The following BICRA variants were observed in gnomAD, a reference collection of about 807,000 sequenced individuals.
BICRA encodes the protein BRD4 interacting chromatin remodeling complex associated protein, also known as BRD4-interacting chromatin-remodeling complex-associated protein.
A neutral mutation model predicts 96.9 loss-of-function variants in BICRA; 31 were observed. That is an observed-to-expected ratio of 0.32 (90% confidence interval 0.24 to 0.43). The LOEUF is 0.43. BICRA is among the 20% of genes least tolerant of loss of function. The pLI, the probability that BICRA is intolerant of heterozygous loss-of-function variation, is 1.00. For synonymous variants in BICRA, 1,350 were observed against 1,071.8 expected, an observed-to-expected ratio of 1.26 and a Z score of -5.07; for missense variants, 2,283 against 2,190.3, an observed-to-expected ratio of 1.04 and a Z score of -0.84.
Position 47,680,562 on chromosome 19 carries a change from C to A in BICRA, c.1392C>A (p.His464Gln). 6.3e-7 allele frequency: 1 copy of A among 1,595,766 alleles called. No homozygotes were observed. Among genetic ancestry groups the A allele is most frequent in the Non-Finnish European group, 8.5e-7 (1 of 1,172,286 alleles). The part of the protein sequence containing the change: ...QGSSIVIPAQ[H>Q]MLPGQNQFLL... The stretch of plus-strand genomic sequence containing the variant: ...GCAGCATCGTCATCCCCGCCCAGCA[C>A]ATGCTGCCGGGCCAGAACCAGTTCC... Residue 464 changes from histidine to glutamine, a missense_variant, in exon 6 of 15, where the codon CAC becomes CAA. His to Gln is a conservative substitution (Grantham distance 24, BLOSUM62 0). Transcript: ENST00000594866.
intron 1 of BICRA, among the ~76,000 whole-genome samples, chr19:47,631,017 C>T (rs944787341): frequency 1.2e-4 from 18 of 152,104 alleles, no homozygotes; most frequent in African/African-American, 3.9e-4. Flanking sequence ...TCAAATGTCA[C>T]GTGAAGCTGC....
rs767654328 is a variant in BICRA at position 47,699,040 on chromosome 19, T to G, written c.3473T>G (p.Leu1158Arg). Residue 1158 changes from leucine (L) to arginine (R), a missense_variant, in exon 13 of 15, where the codon CTG (leucine) becomes CGG (arginine). Physicochemically the swap from Leu to Arg is moderately radical, Grantham distance 102 (BLOSUM62 -2). Transcript: ENST00000594866. The surrounding 1 kb of genome is among the most constrained non-coding windows in gnomAD (Gnocchi z 5.0). ...TQAMLNKYRL[L>R]LLEESRRVSP... ...GCCATGCTCAATAAATATCGGCTCCTGCTCCTGGAGGAGTCCCGGGTAGGG... is the reference window on the plus strand; with the variant it reads ...GCCATGCTCAATAAATATCGGCTCCGGCTCCTGGAGGAGTCCCGGGTAGGG... The G allele has an allele frequency of 6.3e-7, 1 of 1,575,464 alleles. No individual in the cohort carries two copies. The highest frequency in any genetic ancestry group is 1.4e-5 in the African/African-American group (1 of 73,810).
chr19:47,617,255 A>G (rs1003835573), intron 1 of BICRA, among the ~76,000 whole-genome samples: 7 of 152,216 alleles, frequency 4.6e-5, no homozygotes, highest in African/African-American at 1.4e-4. Context: ...GATTATAGGC[A>G]TGAGCAACTG....
intron 1 of BICRA, among the ~76,000 whole-genome samples, chr19:47,617,849 C>T (rs1972008193): frequency 6.6e-6 from 1 of 151,506 alleles, no homozygotes; most frequent in African/African-American, 2.4e-5. Flanking sequence ...AAAGCAAATT[C>T]CAGATATCAT....
At position 47,680,687 on chromosome 19, in the gene BICRA, G is replaced by A; in HGVS notation, c.1517G>A (p.Gly506Asp). The change falls in exon 6 of 15, where the codon GGT becomes GAT. Residue 506 changes from glycine (G) to aspartate (D), a missense_variant. Coordinates refer to ENST00000594866, the MANE Select transcript of BICRA (RefSeq NM_001394372.1). The stretch of plus-strand genomic sequence containing the variant: ...CTGGCGGCCGCTGCCCCCCACACAG[G>A]TGGACAGCTCATCGCGAACCCCATC... ...QILAAAAPHT[G>D]GQLIANPILT... The A allele has an allele frequency of 6.2e-7, 1 of 1,603,520 alleles. No homozygotes were observed. The highest frequency in any genetic ancestry group is 8.5e-7 in the Non-Finnish European group (1 of 1,175,184).
At position 47,702,859 on chromosome 19, in the gene BICRA, C is replaced by G. The variant is rs1460420779; in HGVS notation, c.*444C>G. The G allele has an allele frequency of 5.5e-6, 1 of 183,274 alleles. No homozygotes were observed. Among genetic ancestry groups the G allele is most frequent in the Admixed American group, 6.4e-5 (1 of 15,580 alleles). The allele number at this position is 183,274 out of a possible 1,614,324, so 11.4% of individuals were successfully genotyped here. On this transcript the variant is annotated 3_prime_UTR_variant, in exon 15 of 15. Coordinates refer to ENST00000594866, the MANE Select transcript of BICRA (RefSeq NM_001394372.1). ...CTTCCAGACAGTCTCAGCCTCTCCC[C>G]GCCGCCCCCAACAGGCTGTCAAACA...
At chr19:47,688,219 G>A (rs1485127748) in intron 7 of BICRA, among the ~76,000 whole-genome samples, 1 of 152,050 alleles carries the variant, frequency 6.6e-6, no homozygotes, top group Non-Finnish European at 1.5e-5. Context: ...GAGCCCAGGA[G>A]TTTGAGGTCA....
chr19:47,611,141 T>A (rs928012487), intron 1 of BICRA, among the ~76,000 whole-genome samples: 12 of 152,118 alleles, frequency 7.9e-5, no homozygotes, highest in Admixed American at 2.6e-4. Flanking sequence ...ATTTGTAACC[T>A]CCTGGAGTTT....
At chr19:47,618,609 C>T (rs936927561) in intron 1 of BICRA, among the ~76,000 whole-genome samples, 1 of 152,164 alleles carries the variant, frequency 6.6e-6, no homozygotes, top group Admixed American at 6.6e-5. Flanking sequence ...TTGCCATGCC[C>T]ACCCTGTCCC....
intron 1 of BICRA, among the ~76,000 whole-genome samples, chr19:47,618,970 GTT>G (rs1050332364): frequency 2.0e-5 from 3 of 152,188 alleles, no homozygotes; most frequent in African/African-American, 7.2e-5. Flanking sequence ...GGCTGTGACA[GTT>G]AGCTGGACTA....
intron 1 of BICRA, among the ~76,000 whole-genome samples, chr19:47,659,339 C>T (rs1281306291): frequency 1.3e-5 from 2 of 152,150 alleles, no homozygotes; most frequent in Non-Finnish European, 2.9e-5. Flanking sequence ...TCTGTCTTTC[C>T]CAACAGGGGT....
chr19:47,654,492 T>G (rs1307575748), intron 1 of BICRA, among the ~76,000 whole-genome samples: 1 of 152,088 alleles, frequency 6.6e-6, no homozygotes, highest in Admixed American at 6.6e-5. Flanking sequence ...TTATTATTAT[T>G]ATTTTTTGAG....
intron 1 of BICRA, among the ~76,000 whole-genome samples, chr19:47,657,939 T>A (rs764481248): frequency 5.3e-5 from 8 of 152,090 alleles, no homozygotes; most frequent in Non-Finnish European, 8.8e-5. Flanking sequence ...TCGTTTTTTT[T>A]TTCCCTGAGT....
intron 1 of BICRA, among the ~76,000 whole-genome samples, chr19:47,629,287 G>A (rs1004552647): frequency 2.0e-5 from 3 of 152,132 alleles, no homozygotes; most frequent in African/African-American, 7.2e-5. Context: ...ACAGGCGTGA[G>A]CCACCACACC....
chr19:47,639,269 A>C (rs767230342), intron 1 of BICRA, among the ~76,000 whole-genome samples: 2 of 148,728 alleles, frequency 1.3e-5, no homozygotes, highest in Admixed American at 6.8e-5. Flanking sequence ...CTGCCTCCCA[A>C]AGTGCTGCGA....
At position 47,669,554 on chromosome 19, in the gene BICRA, T is replaced by C. The variant is rs1444670749; in HGVS notation, c.-107-889T>C. 3.3e-5 allele frequency among the ~76,000 whole-genome samples: 5 copies of C among 152,258 alleles called. No homozygotes were observed. The East Asian group carries it at 9.6e-4, about 29-fold the overall frequency. The stretch of plus-strand genomic sequence containing the variant: ...TGTATACATAGTATATAACACTATA[T>C]GTTATATACACTATAGTGTATGTGC... On this transcript the variant is annotated intron_variant, in intron 1 of 14. Transcript: ENST00000594866.
chr19:47,695,215 G>A (rs2123607742), intron 9 of BICRA, 135 bp downstream of exon 9: 1 of 770,154 alleles, frequency 1.3e-6, no homozygotes, highest in East Asian at 2.7e-5. Context: ...AGGGACACAG[G>A]AAGGCCAGAG....
chr19:47,618,294 T>C (rs911556029), intron 1 of BICRA, among the ~76,000 whole-genome samples: 14 of 152,328 alleles, frequency 9.2e-5, no homozygotes, highest in African/African-American at 2.9e-4. Flanking sequence ...TAAAGTCCTG[T>C]TTCTGCTCCT....
chr19:47,676,500 T>G, intron 5 of BICRA, among the ~76,000 whole-genome samples: 1 of 151,536 alleles, frequency 6.6e-6, no homozygotes, highest in Non-Finnish European at 1.5e-5. Flanking sequence ...GGCCACCTCC[T>G]TCCTCCTTCT....
Sources: allele counts gnomAD v4.1 joint callset (sites outside exome capture counted in the v4.1 genomes callset), GRCh38; gene constraint gnomAD v4.1.1; non-coding constraint Gnocchi (gnomAD v3.1); transcripts MANE v1.5; gene names NCBI Gene and HGNC (gene_info 2026-07-23, HGNC 2026-07-21).